The following DGKB variants were observed in gnomAD, a reference collection of about 807,000 sequenced individuals.
The protein encoded by DGKB is diacylglycerol kinase beta.
DGKB carries 67 observed loss-of-function variants against 114.3 expected under a neutral mutation model. The observed-to-expected ratio is 0.59, with a 90% CI of 0.48 to 0.72. The LOEUF is 0.72. Ranked by LOEUF, DGKB falls within the 30% of genes least tolerant of loss-of-function variation. DGKB has a pLI of 0.00. For synonymous variants in DGKB, 398 were observed against 323.1 expected, an observed-to-expected ratio of 1.23 and a Z score of -2.49; for missense variants, 907 against 975.2, an observed-to-expected ratio of 0.93 and a Z score of 0.93.
At chr7:14,509,089 T>C (rs1787572088) in intron 20 of DGKB, among the ~76,000 whole-genome samples, 7 of 152,172 alleles carry the variant, frequency 4.6e-5, no homozygotes, top group Non-Finnish European at 1.5e-5. Flanking sequence ...TCTCTTTTGA[T>C]TGGACACCAT....
intron 1 of DGKB, among the ~76,000 whole-genome samples, chr7:14,931,829 TC>T (rs1315476329): frequency 7.0e-6 from 1 of 143,336 alleles, no homozygotes; most frequent in African/African-American, 2.5e-5. Context: ...ACTGTTCAGG[TC>T]CCAGGGAGCG....
chr7:14,174,446 G>A (rs186853509), intron 25 of DGKB, among the ~76,000 whole-genome samples: 29 of 152,200 alleles, frequency 1.9e-4, no homozygotes, highest in African/African-American at 3.4e-4. Context: ...AGCTGTGACC[G>A]CTTCTCGACT....
At chr7:14,374,369 C>T (rs550950681) in intron 21 of DGKB, among the ~76,000 whole-genome samples, 5 of 152,168 alleles carry the variant, frequency 3.3e-5, no homozygotes, top group Admixed American at 1.3e-4. Flanking sequence ...CATGGGCGCT[C>T]TTCCATATTT....
intron 21 of DGKB, among the ~76,000 whole-genome samples, chr7:14,357,279 C>T (rs1176077448): frequency 6.6e-6 from 1 of 152,062 alleles, no homozygotes; most frequent in African/African-American, 2.4e-5. Flanking sequence ...TCTGGGTGCT[C>T]CTGTATTGGG....
chr7:14,361,927 T>C (rs1024983025), intron 21 of DGKB, among the ~76,000 whole-genome samples: 1 of 152,054 alleles, frequency 6.6e-6, no homozygotes, highest in Non-Finnish European at 1.5e-5. Flanking sequence ...AAAAGACCTG[T>C]ATTTTTACAT....
chr7:14,927,300 A>G (rs1784794953), intron 1 of DGKB, among the ~76,000 whole-genome samples: 1 of 151,924 alleles, frequency 6.6e-6, no homozygotes, highest in Non-Finnish European at 1.5e-5. Context: ...CTTAGTTTGA[A>G]CCACTAAGAA....
At chr7:14,206,242 G>C (rs1217672938) in intron 23 of DGKB, among the ~76,000 whole-genome samples, 1 of 151,938 alleles carries the variant, frequency 6.6e-6, no homozygotes, top group Non-Finnish European at 1.5e-5. Flanking sequence ...TTATGACAGG[G>C]CTAAGTCCAA....
chr7:14,557,787 G>T (rs970802214), intron 20 of DGKB, among the ~76,000 whole-genome samples: 2 of 151,226 alleles, frequency 1.3e-5, no homozygotes, highest in African/African-American at 4.8e-5. Context: ...GGTGTTACTT[G>T]GTTTATTTTT....
intron 1 of DGKB, among the ~76,000 whole-genome samples, chr7:14,892,468 A>C (rs1438449178): frequency 1.3e-5 from 2 of 151,318 alleles, no homozygotes; most frequent in Non-Finnish European, 3.0e-5. Context: ...GTGGTAATGT[A>C]ATCAAGGCAA....
intron 2 of DGKB, among the ~76,000 whole-genome samples, chr7:14,837,430 C>T (rs986757996): frequency 2.6e-5 from 4 of 152,166 alleles, no homozygotes; most frequent in African/African-American, 9.7e-5. Flanking sequence ...CCCATGAGCT[C>T]ACTCATCTTG....
At chr7:14,204,949 C>G (rs1786511529) in intron 23 of DGKB, among the ~76,000 whole-genome samples, 11 of 151,930 alleles carry the variant, frequency 7.2e-5, no homozygotes, top group Admixed American at 6.6e-4. Context: ...GTGTATGTGT[C>G]CACAACTGTA....
intron 13 of DGKB, among the ~76,000 whole-genome samples, chr7:14,642,575 C>A (rs896141072): frequency 6.6e-6 from 1 of 152,010 alleles, no homozygotes; most frequent in Non-Finnish European, 1.5e-5. Context: ...TCTCAGTAAC[C>A]ACAAAATAAT....
chr7:14,910,336 G>T (rs1783939108), intron 1 of DGKB, among the ~76,000 whole-genome samples: 1 of 150,306 alleles, frequency 6.7e-6, no homozygotes, highest in South Asian at 2.1e-4. Context: ...TTAGGAGAAG[G>T]CAAAAAACAA....
intron 1 of DGKB, among the ~76,000 whole-genome samples, chr7:14,911,339 T>C (rs1047674186): frequency 1.3e-5 from 2 of 152,134 alleles, no homozygotes; most frequent in Non-Finnish European, 2.9e-5. Context: ...AGTTATTTCA[T>C]ATTCTGGTGT....
chr7:14,388,739 GA>G (rs917266209), intron 21 of DGKB, among the ~76,000 whole-genome samples: 4 of 152,024 alleles, frequency 2.6e-5, no homozygotes, highest in Non-Finnish European at 5.9e-5. Context: ...GGAAGATGGA[GA>G]AAAAAGAAGA....
chr7:14,768,798 G>A (rs928192776), intron 2 of DGKB, among the ~76,000 whole-genome samples: 5 of 151,804 alleles, frequency 3.3e-5, no homozygotes, highest in Non-Finnish European at 5.9e-5. Flanking sequence ...TCTTAGTTCT[G>A]AAAATCCCTG....
intron 20 of DGKB, among the ~76,000 whole-genome samples, chr7:14,521,412 C>G (rs1789747002): frequency 6.6e-6 from 1 of 152,110 alleles, no homozygotes; most frequent in South Asian, 2.1e-4. Flanking sequence ...GTGCAGATCA[C>G]TTGATATTTA....
intron 17 of DGKB, among the ~76,000 whole-genome samples, chr7:14,588,317 T>C (rs1407884955): frequency 6.6e-6 from 1 of 152,108 alleles, no homozygotes; most frequent in East Asian, 1.9e-4. Context: ...TTCTTTTACT[T>C]TCATTAATGT....
At chr7:14,304,642 C>G (rs1449438442) in intron 23 of DGKB, among the ~76,000 whole-genome samples, 1 of 152,074 alleles carries the variant, frequency 6.6e-6, no homozygotes, top group Admixed American at 6.6e-5. Flanking sequence ...GATTTAGTGT[C>G]CAGTAGCATG....
Sources: allele counts gnomAD v4.1 joint callset (sites outside exome capture counted in the v4.1 genomes callset), GRCh38; gene constraint gnomAD v4.1.1; transcripts MANE v1.5; gene names NCBI Gene and HGNC (gene_info 2026-07-23, HGNC 2026-07-21).